The following WDR72 variants were observed in gnomAD, a reference collection of about 807,000 sequenced individuals.
WDR72 encodes WD repeat domain 72.
Under a neutral mutation model 124.2 loss-of-function variants are expected in WDR72, and 120 were observed. That is an observed-to-expected ratio of 0.97 (90% CI 0.83 to 1.12). WDR72 has a LOEUF of 1.12. Ranked by LOEUF, WDR72 falls within the 50% of genes most tolerant of loss-of-function variation. The pLI, the probability that WDR72 is intolerant of heterozygous loss-of-function variation, is 0.00. For missense variants in WDR72, 1,387 were observed against 1,278.8 expected, an observed-to-expected ratio of 1.08 and a Z score of -1.29; for synonymous variants, 452 against 441.7, an observed-to-expected ratio of 1.02 and a Z score of -0.29.
At chr15:53,606,280 T>C (rs1286472721) in intron 17 of WDR72, among the ~76,000 whole-genome samples, 1 of 152,222 alleles carries the variant, frequency 6.6e-6, no homozygotes, top group Non-Finnish European at 1.5e-5. Flanking sequence ...TTAGGAATTT[T>C]TTGGCCACTG....
At chr15:53,643,548 T>C (rs548381572) in intron 14 of WDR72, among the ~76,000 whole-genome samples, 3 of 152,232 alleles carry the variant, frequency 2.0e-5, no homozygotes, top group South Asian at 2.1e-4. Flanking sequence ...GCTTGAGACA[T>C]GTTCCTCATC....
chr15:53,706,385 T>TAC, intron 9 of WDR72, among the ~76,000 whole-genome samples: 1 of 133,114 alleles, frequency 7.5e-6, no homozygotes, highest in African/African-American at 2.7e-5. Context: ...TATATATATA[T>TAC]ATATATATAT....
chr15:53,600,599 A>G (rs76441489), intron 17 of WDR72, among the ~76,000 whole-genome samples: 2,223 of 152,270 alleles, frequency 0.015, 56 homozygotes, highest in African/African-American at 0.051. Context: ...TTCCATAAAC[A>G]CCTTGGAAGA....
intron 14 of WDR72, among the ~76,000 whole-genome samples, chr15:53,643,205 C>G (rs2014917061): frequency 6.6e-6 from 1 of 152,078 alleles, no homozygotes. Flanking sequence ...AATAATAGAA[C>G]TGAAAACTGA....
chr15:53,655,216 G>A (rs1361602773), intron 14 of WDR72, among the ~76,000 whole-genome samples: 1 of 100,038 alleles, frequency 1.0e-5, no homozygotes, highest in Non-Finnish European at 1.8e-5. Context: ...GGGTGACAGA[G>A]CAAGATGCCA....
chr15:53,660,235 C>A (rs368654593), intron 14 of WDR72, among the ~76,000 whole-genome samples: 43 of 151,668 alleles, frequency 2.8e-4, no homozygotes, highest in Non-Finnish European at 4.0e-4. Context: ...TATAGTTATA[C>A]AAGTTTAATA....
At chr15:53,612,641 A>G (rs1186134907) in intron 16 of WDR72, among the ~76,000 whole-genome samples, 4 of 152,048 alleles carry the variant, frequency 2.6e-5, no homozygotes, top group African/African-American at 9.7e-5. Context: ...ATGGGGGTGT[A>G]TATGTGATGA....
At chr15:53,652,688 T>C (rs964975063) in intron 14 of WDR72, among the ~76,000 whole-genome samples, 27 of 152,188 alleles carry the variant, frequency 1.8e-4, no homozygotes, top group Non-Finnish European at 2.9e-5. Context: ...TTTGAGTGCT[T>C]ATTTTAGACA....
chr15:53,557,013 G>A (rs1893957523), intron 18 of WDR72, among the ~76,000 whole-genome samples: 1 of 152,064 alleles, frequency 6.6e-6, no homozygotes, highest in Non-Finnish European at 1.5e-5. Context: ...AAGGAAAGAT[G>A]AATACAATAA....
chr15:53,612,283 A>G (rs146636842), intron 16 of WDR72, among the ~76,000 whole-genome samples: 32 of 152,170 alleles, frequency 2.1e-4, no homozygotes, highest in African/African-American at 7.7e-4. Flanking sequence ...TCACAAAAAT[A>G]TAACTTCTAT....
chr15:53,736,370 A>C (rs2018354323), intron 1 of WDR72, among the ~76,000 whole-genome samples: 2 of 152,112 alleles, frequency 1.3e-5, no homozygotes, highest in African/African-American at 4.8e-5. Flanking sequence ...GCCTCCAAGG[A>C]GGGTGAAGAG....
intron 14 of WDR72, among the ~76,000 whole-genome samples, chr15:53,621,161 G>A (rs1415890394): frequency 6.6e-6 from 1 of 151,862 alleles, no homozygotes; most frequent in East Asian, 1.9e-4. Flanking sequence ...GCTTGGATGT[G>A]GTAAACAGGG....
In WDR72 at chr15:53,631,534, T is replaced by C. The variant is rs978712512; in HGVS notation, c.1963-15291A>G. Among the ~76,000 whole-genome samples the C allele has an allele frequency of 2.0e-5, 3 of 151,684 alleles. No individual in the cohort carries two copies. The East Asian group carries it at 5.8e-4, about 29-fold the overall frequency. ...TTTGGAATTGGGTAATGGGCAGAGG[T>C]TGAAAGAGTATGGAGGCCTCAGAAG... On this transcript the variant is annotated intron_variant, in intron 14 of 19. Coordinates refer to ENST00000360509, the MANE Select transcript of WDR72 (RefSeq NM_182758.4).
intron 12 of WDR72, among the ~76,000 whole-genome samples, chr15:53,700,273 C>G (rs955656447): frequency 6.6e-6 from 1 of 152,074 alleles, no homozygotes; most frequent in African/African-American, 2.4e-5. Flanking sequence ...TAAAATAAAC[C>G]CCAGAACTAA....
intron 18 of WDR72, among the ~76,000 whole-genome samples, chr15:53,525,593 TG>T (rs1892069861): frequency 6.6e-6 from 1 of 152,064 alleles, no homozygotes; most frequent in Non-Finnish European, 1.5e-5. Context: ...CCATTCTTTG[TG>T]GCAATAAAGT....
chr15:53,686,139 G>A (rs1235637748), intron 13 of WDR72, among the ~76,000 whole-genome samples: 21 of 146,212 alleles, frequency 1.4e-4, no homozygotes, highest in Admixed American at 1.2e-3. Context: ...AGACGAGGAC[G>A]AAACTGCATC....
chr15:53,587,218 A>AACTTGTTTT (rs1416478742), intron 18 of WDR72, among the ~76,000 whole-genome samples: 1 of 152,074 alleles, frequency 6.6e-6, no homozygotes, highest in African/African-American at 2.4e-5. Flanking sequence ...CCAAGTCCAG[A>AACTTGTTTT]ACATAACTTT....
At chr15:53,665,532 G>A in intron 14 of WDR72, 40 bp downstream of exon 14, 1 of 1,609,148 alleles carries the variant, frequency 6.2e-7, no homozygotes, top group South Asian at 1.1e-5. Context: ...TTATTCGGTT[G>A]ATAATGTTCT....
chr15:53,654,930 G>A (rs1191046072), intron 14 of WDR72, among the ~76,000 whole-genome samples: 3 of 151,970 alleles, frequency 2.0e-5, no homozygotes, highest in Non-Finnish European at 4.4e-5. Flanking sequence ...ATAAAATAAA[G>A]ATACGCTTAA....
Sources: gnomAD v4.1 joint callset for allele counts (sites outside exome capture counted in the v4.1 genomes callset) on GRCh38, gnomAD v4.1.1 for gene constraint, MANE v1.5 for transcripts, NCBI Gene and HGNC (gene_info 2026-07-23, HGNC 2026-07-21) for gene names.